SNU13: variants seen among roughly 807,000 people sequenced by gnomAD.
SNU13 encodes small nuclear ribonucleoprotein 13, also known as NHP2-like protein 1.
Under a neutral mutation model 12.4 loss-of-function variants are expected in SNU13, and 2 were observed. That is an observed-to-expected ratio of 0.16 (90% CI 0.07 to 0.51). SNU13 has a LOEUF of 0.51. Ranked by LOEUF, SNU13 falls within the 20% of genes least tolerant of loss-of-function variation. SNU13 has a pLI of 0.96. For synonymous variants in SNU13, 68 were observed against 66.5 expected, an observed-to-expected ratio of 1.02 and a Z score of -0.11; for missense variants, 66 against 157.8, an observed-to-expected ratio of 0.42 and a Z score of 3.12.
At chr22:41,680,845 C>G (rs1193233375) in intron 1 of SNU13, among the ~76,000 whole-genome samples, 1 of 152,192 alleles carries the variant, frequency 6.6e-6, no homozygotes, top group Non-Finnish European at 1.5e-5. Context: ...TAAGCGTGCA[C>G]CACCATGCCA....
intron 2 of SNU13, among the ~76,000 whole-genome samples, chr22:41,677,481 A>G (rs555450445): frequency 6.6e-6 from 1 of 152,298 alleles, no homozygotes; most frequent in South Asian, 2.1e-4. Context: ...GCCATGATCA[A>G]TGCCAATGCA....
upstream of SNU13, chr22:41,690,461 C>T (rs996769169): frequency 6.9e-6 from 5 of 728,404 alleles, no homozygotes; most frequent in African/African-American, 7.0e-5. Context: ...CTAACCAGGC[C>T]TGGCACCAGG....
chr22:41,680,674 ATT>A (rs1442546031), intron 1 of SNU13, among the ~76,000 whole-genome samples: 2 of 152,166 alleles, frequency 1.3e-5, no homozygotes, highest in Non-Finnish European at 2.9e-5. Flanking sequence ...CTCCGCATCC[ATT>A]TGAGTCCATG....
At chr22:41,677,457 C>T (rs1407410735) in intron 2 of SNU13, among the ~76,000 whole-genome samples, 1 of 152,148 alleles carries the variant, frequency 6.6e-6, no homozygotes, top group African/African-American at 2.4e-5. Context: ...CCCAGGAGGT[C>T]GTGGCTGCAG....
At position 41,688,825 on chromosome 22, in the gene SNU13, T is replaced by C; in HGVS notation, c.-29A>G. On this transcript the variant is annotated 5_prime_UTR_variant, in exon 1 of 3. Transcript: ENST00000401959. Reference sequence around the variant, plus strand: ...TGCGGTTCCGCGGGCTCAGCACTCCTAGGGGAGCGCAGCTGACGTTTCAGA... The same window carrying C: ...TGCGGTTCCGCGGGCTCAGCACTCCCAGGGGAGCGCAGCTGACGTTTCAGA... 1.3e-6 allele frequency: 2 copies of C among 1,580,860 alleles called. No individual in the cohort carries two copies. Among genetic ancestry groups the C allele is most frequent in the Non-Finnish European group, 1.7e-6 (2 of 1,156,618 alleles).
chr22:41,680,236 T>G lies in SNU13; in HGVS notation c.124+8A>C. ...ACATTCCCCCAGAGCATCCTGTGGCTGCCTTACCCTCATTGGCTCCTTTCC... is the reference window on the plus strand; with the variant it reads ...ACATTCCCCCAGAGCATCCTGTGGCGGCCTTACCCTCATTGGCTCCTTTCC... On this transcript the variant is annotated splice_region_variant and intron_variant, in intron 2 of 2. Coordinates refer to ENST00000401959, the MANE Select transcript of SNU13 (RefSeq NM_001003796.2). 1 of 1,608,076 alleles carries G rather than the reference T, an allele frequency of 6.2e-7. No individual in the cohort carries two copies. The highest frequency in any genetic ancestry group is 1.1e-5 in the South Asian group (1 of 90,538).
chr22:41,680,186 C>T (rs1479418411), intron 2 of SNU13, 58 bp downstream of exon 2: 3 of 1,537,814 alleles, frequency 2.0e-6, no homozygotes, highest in East Asian at 2.4e-5. Flanking sequence ...AGATCAGAGG[C>T]CCCAGATGGA....
chr22:41,685,015 G>C (rs1162388549), intron 1 of SNU13, among the ~76,000 whole-genome samples: 1 of 152,078 alleles, frequency 6.6e-6, no homozygotes, highest in East Asian at 1.9e-4. Flanking sequence ...AATTATCTGG[G>C]TGTGGTGGCA....
At chr22:41,682,156 G>A (rs115776275) in intron 1 of SNU13, among the ~76,000 whole-genome samples, 2,467 of 152,030 alleles carry the variant, frequency 0.016, 48 homozygotes, top group Admixed American at 0.059. Flanking sequence ...TAGGGTGGAC[G>A]GCAGTCGCTG....
Position 41,674,836 on chromosome 22 carries a change from T to C in SNU13, c.*97A>G, listed in dbSNP as rs1851413600. 6.8e-7 allele frequency: 1 copy of C among 1,473,724 alleles called. No homozygotes were observed. Among genetic ancestry groups the C allele is most frequent in the Non-Finnish European group, 9.2e-7 (1 of 1,088,512 alleles). The allele number at this position is 1,473,724 out of a possible 1,614,324, so 91.3% of individuals were successfully genotyped here. ...GATTTAGTACTACATTTTATAACAA[T>C]AGAGAGTAGCTGAAAATACTACATG... On this transcript the variant is annotated 3_prime_UTR_variant, in exon 3 of 3. Transcript: ENST00000401959.
chr22:41,689,700 G>A (rs1229465113), upstream of SNU13, among the ~76,000 whole-genome samples: 3 of 151,262 alleles, frequency 2.0e-5, no homozygotes, highest in Admixed American at 1.3e-4. Flanking sequence ...AAAGAGGGCC[G>A]GGTGCGGTGG....
chr22:41,683,054 T>C (rs367850248), intron 1 of SNU13, among the ~76,000 whole-genome samples: 2 of 152,202 alleles, frequency 1.3e-5, no homozygotes, highest in East Asian at 1.9e-4. Flanking sequence ...GGCTGGAGTG[T>C]AGTGGTGGCA....
chr22:41,675,744 CT>C (rs113676499), intron 2 of SNU13, among the ~76,000 whole-genome samples: 8,075 of 134,248 alleles, frequency 0.06, 558 homozygotes, highest in African/African-American at 0.2. Flanking sequence ...TTTTTTCTTT[CT>C]TTTTTTTTTT....
intron 1 of SNU13, among the ~76,000 whole-genome samples, chr22:41,687,126 T>A (rs895248858): frequency 6.6e-6 from 1 of 150,770 alleles, no homozygotes; most frequent in Non-Finnish European, 1.5e-5. Context: ...CTGGCTAATT[T>A]TTTTGAATTT....
intron 2 of SNU13, among the ~76,000 whole-genome samples, chr22:41,677,260 C>G (rs910227204): frequency 2.0e-5 from 3 of 152,186 alleles, no homozygotes; most frequent in Admixed American, 1.3e-4. Context: ...CATGGTGGCT[C>G]ACACCTGTAA....
intron 1 of SNU13, chr22:41,681,397 A>G (rs2068261703): frequency 6.6e-6 from 1 of 152,214 alleles, no homozygotes; most frequent in Non-Finnish European, 1.5e-5. Flanking sequence ...TCAAATATGT[A>G]AAATATCTTC....
intron 2 of SNU13, among the ~76,000 whole-genome samples, chr22:41,679,134 C>T (rs545264154): frequency 1.2e-4 from 18 of 152,194 alleles, no homozygotes; most frequent in African/African-American, 4.1e-4. Flanking sequence ...GGCAGCCGGG[C>T]ACAGTGGCTC....
intron 2 of SNU13, among the ~76,000 whole-genome samples, chr22:41,676,481 A>T (rs1411649161): frequency 6.6e-6 from 1 of 152,020 alleles, no homozygotes; most frequent in Non-Finnish European, 1.5e-5. Flanking sequence ...TCTACCTAAC[A>T]GGATTCTACC....
intron 1 of SNU13, among the ~76,000 whole-genome samples, chr22:41,686,773 C>T (rs1316362719): frequency 2.0e-4 from 30 of 149,298 alleles, no homozygotes; most frequent in African/African-American, 7.2e-4. Flanking sequence ...ATTACAGGCA[C>T]GCACCACCAC....
Sources: gnomAD v4.1 joint callset for allele counts (sites outside exome capture counted in the v4.1 genomes callset) on GRCh38, gnomAD v4.1.1 for gene constraint, MANE v1.5 for transcripts, NCBI Gene and HGNC (gene_info 2026-07-23, HGNC 2026-07-21) for gene names.